RIPOR2: variants seen among roughly 807,000 people sequenced by gnomAD.
RIPOR2 encodes RHO family interacting cell polarization regulator 2.
Under a neutral mutation model 114.5 loss-of-function variants are expected in RIPOR2, and 39 were observed. The ratio of observed to expected loss-of-function variants is 0.34; its 90% CI spans 0.26 to 0.44. RIPOR2 has a LOEUF of 0.44. Ranked by LOEUF, RIPOR2 falls within the 20% of genes least tolerant of loss-of-function variation. RIPOR2 has a pLI of 1.00. For missense variants in RIPOR2, 1,007 were observed against 1,255.1 expected, an observed-to-expected ratio of 0.80 and a Z score of 2.99; for synonymous variants, 445 against 484.4, an observed-to-expected ratio of 0.92 and a Z score of 1.07.
At chr6:24,835,959 G>A (rs963690089) in intron 14 of RIPOR2, 88 bp from the exon 15 acceptor site, 6 of 1,235,444 alleles carry the variant, frequency 4.9e-6, no homozygotes, top group African/African-American at 1.5e-5. Flanking sequence ...GGCCCCAACA[G>A]CACCCACTGA....
chr6:24,942,113 G>T (rs146452333), intron 1 of RIPOR2, among the ~76,000 whole-genome samples: 75 of 152,218 alleles, frequency 4.9e-4, no homozygotes, highest in Middle Eastern at 3.4e-3. Flanking sequence ...TATAATGAAA[G>T]ATTGCTTGAT....
chr6:24,932,830 G>T (rs903066416), intron 1 of RIPOR2, among the ~76,000 whole-genome samples: 3 of 152,150 alleles, frequency 2.0e-5, no homozygotes, highest in Non-Finnish European at 4.4e-5. Flanking sequence ...AACTCATTGT[G>T]CCAAAAGCTT....
At chr6:24,808,360 G>C (rs1466475904) in intron 21 of RIPOR2, among the ~76,000 whole-genome samples, 1 of 152,174 alleles carries the variant, frequency 6.6e-6, no homozygotes, top group Non-Finnish European at 1.5e-5. Context: ...AATATGAAGG[G>C]ATAAAGGAGT....
intron 1 of RIPOR2, among the ~76,000 whole-genome samples, chr6:24,985,724 G>C (rs1200417951): frequency 6.6e-6 from 1 of 152,060 alleles, no homozygotes; most frequent in African/African-American, 2.4e-5. Context: ...CTATCCATGG[G>C]TCCTAGGTGA....
chr6:24,920,778 C>T (rs1770424379), intron 1 of RIPOR2, among the ~76,000 whole-genome samples: 1 of 152,164 alleles, frequency 6.6e-6, no homozygotes, highest in Non-Finnish European at 1.5e-5. Context: ...CCCTTCCTCA[C>T]CTTAAGTCTA....
rs1254622256 is a variant in RIPOR2, at chr6:24,850,781, C to A, written c.760-59G>T. 5 of 1,596,474 alleles carry A rather than the reference C, an allele frequency of 3.1e-6. No homozygotes were observed. In the African/African-American group the frequency reaches 5.4e-5, roughly 17 times the overall value. On this transcript the variant is annotated intron_variant, in intron 9 of 21. Transcript: ENST00000643898. ...TGCCACCCCCTCTTCTCCACCAGAACACCAAGATCAAAAGGAGAAAGACCT... is the reference window on the plus strand; with the variant it reads ...TGCCACCCCCTCTTCTCCACCAGAAAACCAAGATCAAAAGGAGAAAGACCT...
intron 1 of RIPOR2, chr6:24,929,189 A>G (rs1771186377): frequency 6.7e-6 from 1 of 149,864 alleles, no homozygotes. Context: ...AGGATAAACT[A>G]AATTGTTCTT....
At chr6:24,825,820 C>G (rs1259986790) in intron 18 of RIPOR2, among the ~76,000 whole-genome samples, 1 of 152,142 alleles carries the variant, frequency 6.6e-6, no homozygotes, top group East Asian at 1.9e-4. Context: ...TGGCAAAACC[C>G]CAATCCTGGG....
intron 1 of RIPOR2, among the ~76,000 whole-genome samples, chr6:24,979,250 C>T (rs929089006): frequency 3.4e-5 from 5 of 147,906 alleles, no homozygotes; most frequent in Admixed American, 2.7e-4. Flanking sequence ...AAAGAAGGAA[C>T]ATGCAATAGT....
chr6:24,838,723 G>A (rs1486739082), intron 14 of RIPOR2, among the ~76,000 whole-genome samples: 1 of 152,180 alleles, frequency 6.6e-6, no homozygotes, highest in Non-Finnish European at 1.5e-5. Context: ...GAACCTGGGA[G>A]GTGGAGGTTG....
chr6:24,935,966 C>G, upstream of RIPOR2: 6 of 1,197,194 alleles, frequency 5.0e-6, no homozygotes, highest in Non-Finnish European at 7.1e-6. Context: ...ACACTGCCGA[C>G]CGAGGTGATT....
At chr6:24,868,981 G>A in intron 6 of RIPOR2, 113 bp downstream of exon 6, 1 of 582,092 alleles carries the variant, frequency 1.7e-6, no homozygotes, top group Non-Finnish European at 3.1e-6. Context: ...GTCAGCTTAG[G>A]AGTCAATTGG....
chr6:24,824,774 A>C (rs1760006524), intron 19 of RIPOR2, among the ~76,000 whole-genome samples: 1 of 152,222 alleles, frequency 6.6e-6, no homozygotes, highest in African/African-American at 2.4e-5. Flanking sequence ...GTTCACCATA[A>C]TATTTTTAGA....
chr6:24,875,190 G>T (rs1174959201), intron 2 of RIPOR2, among the ~76,000 whole-genome samples: 1 of 152,196 alleles, frequency 6.6e-6, no homozygotes, highest in East Asian at 1.9e-4. Context: ...AGATAAACTT[G>T]GTTACATGTT....
intron 1 of RIPOR2, among the ~76,000 whole-genome samples, chr6:24,977,355 C>T (rs999753270): frequency 3.3e-5 from 5 of 151,720 alleles, no homozygotes; most frequent in South Asian, 2.1e-4. Flanking sequence ...CCTAAAAGGT[C>T]GACAGGACTA....
chr6:25,015,874 C>G (rs1775950525), intron 1 of RIPOR2: 1 of 144,924 alleles, frequency 6.9e-6, no homozygotes, highest in East Asian at 2.0e-4. Flanking sequence ...GAAAGCCTCC[C>G]CTTAAAAACG....
At chr6:24,935,967 C>A (rs1259993041), upstream of RIPOR2, 16 of 1,190,894 alleles carry the variant, frequency 1.3e-5, 1 homozygote, top group Non-Finnish European at 1.9e-5. Context: ...CACTGCCGAC[C>A]GAGGTGATTT....
intron 1 of RIPOR2, among the ~76,000 whole-genome samples, chr6:25,028,475 A>T (rs555816516): frequency 3.9e-5 from 6 of 152,360 alleles, no homozygotes; most frequent in African/African-American, 1.4e-4. Flanking sequence ...GTGACTTTTA[A>T]TAAGTCCTTT....
At chr6:24,929,985 G>A (rs770439671) in intron 1 of RIPOR2, among the ~76,000 whole-genome samples, 2 of 152,196 alleles carry the variant, frequency 1.3e-5, no homozygotes, top group Admixed American at 6.5e-5. Context: ...TGAGGCAGGA[G>A]GATCCCTTGA....
Sources: gnomAD v4.1 joint callset for allele counts (sites outside exome capture counted in the v4.1 genomes callset) on GRCh38, gnomAD v4.1.1 for gene constraint, MANE v1.5 for transcripts, NCBI Gene and HGNC (gene_info 2026-07-23, HGNC 2026-07-21) for gene names.